The following UIMC1 variants were observed in gnomAD, a reference collection of about 807,000 sequenced individuals.
The protein encoded by UIMC1 is ubiquitin interaction motif containing 1, also known as BRCA1-A complex subunit RAP80.
In UIMC1, 42 loss-of-function variants were observed where a neutral mutation model predicts 84.9. The ratio of observed to expected loss-of-function variants is 0.49; its 90% CI spans 0.39 to 0.64. UIMC1 has a LOEUF of 0.64. Among genes scored for constraint, UIMC1 ranks in the 30% least tolerant of loss-of-function variants. UIMC1 has a pLI of 0.00. For synonymous variants in UIMC1, 281 were observed against 293.0 expected (o/e 0.96, Z 0.42); for missense variants, 825 against 847.6 (o/e 0.97, Z 0.33).
intron 10 of UIMC1, among the ~76,000 whole-genome samples, chr5:176,928,246 G>A (rs950822635): frequency 6.6e-6 from 1 of 152,194 alleles, no homozygotes; most frequent in East Asian, 1.9e-4. Context: ...TTGAGTAGCA[G>A]TGGCAAAGAC....
intron 2 of UIMC1, among the ~76,000 whole-genome samples, chr5:176,977,247 A>G (rs1377062608): frequency 6.6e-6 from 1 of 150,794 alleles, no homozygotes; most frequent in Non-Finnish European, 1.5e-5. Flanking sequence ...AAAAAGAGAG[A>G]GAGAGAAATA....
Position 176,976,287 on chromosome 5 carries a change from C to A in UIMC1, c.148-807G>T, listed in dbSNP as rs1770059705. Among the ~76,000 whole-genome samples, 3 of 151,942 alleles carry A rather than the reference C, an allele frequency of 2.0e-5. No homozygotes were observed. The South Asian group carries it at 6.2e-4, about 32-fold the overall frequency. ...CTAAGATCGCACCACGATATTCCAG[C>A]CTGGGAGACAAAGCAACATCCTCAT... On this transcript the variant is annotated intron_variant, in intron 2 of 14. Coordinates refer to ENST00000511320, the MANE Select transcript of UIMC1 (RefSeq NM_001199298.2).
intron 10 of UIMC1, among the ~76,000 whole-genome samples, chr5:176,938,421 T>C (rs1763982585): frequency 6.6e-6 from 1 of 152,084 alleles, no homozygotes; most frequent in South Asian, 2.1e-4. Flanking sequence ...ACGTACTGAG[T>C]ACCTATTGTA....
At chr5:176,912,804 T>G (rs1554105867) in intron 10 of UIMC1, among the ~76,000 whole-genome samples, 1 of 152,066 alleles carries the variant, frequency 6.6e-6, no homozygotes, top group Non-Finnish European at 1.5e-5. Context: ...TAGCTGGGAT[T>G]TACAGGCGCC....
intron 1 of UIMC1, among the ~76,000 whole-genome samples, chr5:177,002,357 T>C (rs991618532): frequency 1.3e-5 from 2 of 152,154 alleles, no homozygotes; most frequent in African/African-American, 2.4e-5. Flanking sequence ...CGGTTACCTC[T>C]GGAGGGTACT....
chr5:176,920,467 T>C (rs1352624173), intron 10 of UIMC1, among the ~76,000 whole-genome samples: 3 of 152,224 alleles, frequency 2.0e-5, no homozygotes, highest in Non-Finnish European at 4.4e-5. Context: ...CTTTCAACAA[T>C]GTTTTATAAT....
intron 1 of UIMC1, among the ~76,000 whole-genome samples, chr5:176,989,349 G>C (rs1772476273): frequency 6.6e-6 from 1 of 152,034 alleles, no homozygotes; most frequent in Admixed American, 6.6e-5. Flanking sequence ...AATGACTAAA[G>C]AACAAGAAAT....
rs959876879 is a variant in UIMC1 at position 176,957,857 on chromosome 5, T to C, written c.1262+236A>G. Reference sequence around the variant, plus strand: ...AATGTAAATGAGATTTATGCCAAGATAGCTGGCCTGGACAAGATGACCTCT... The same window carrying C: ...AATGTAAATGAGATTTATGCCAAGACAGCTGGCCTGGACAAGATGACCTCT... On this transcript the variant is annotated intron_variant, in intron 7 of 14. Transcript: ENST00000511320. 3.9e-5 allele frequency among the ~76,000 whole-genome samples: 6 copies of C among 152,234 alleles called. No homozygotes were observed. The East Asian group carries it at 7.7e-4, about 20-fold the overall frequency.
intron 12 of UIMC1, 71 bp downstream of exon 12, chr5:176,908,452 C>G: frequency 6.7e-7 from 1 of 1,489,888 alleles, no homozygotes. Context: ...AAAGCCAGAA[C>G]AGAACTGTGG....
At chr5:176,986,490 G>A (rs966717913) in intron 1 of UIMC1, among the ~76,000 whole-genome samples, 35 of 139,598 alleles carry the variant, frequency 2.5e-4, no homozygotes, top group Admixed American at 1.0e-3. Context: ...TGATCATGCC[G>A]ATGAACTTCA....
intron 6 of UIMC1, among the ~76,000 whole-genome samples, chr5:176,964,197 T>G (rs769105352): frequency 6.6e-6 from 1 of 152,236 alleles, no homozygotes; most frequent in African/African-American, 2.4e-5. Context: ...AACAAACGAA[T>G]TCTTTCTACC....
intron 6 of UIMC1, among the ~76,000 whole-genome samples, chr5:176,958,573 A>T (rs1389510759): frequency 6.6e-6 from 1 of 152,248 alleles, no homozygotes; most frequent in Non-Finnish European, 1.5e-5. Flanking sequence ...GGGGAAAGGA[A>T]AATATAGAGA....
At chr5:176,936,512 T>C (rs189755937) in intron 10 of UIMC1, among the ~76,000 whole-genome samples, 1 of 152,344 alleles carries the variant, frequency 6.6e-6, no homozygotes, top group African/African-American at 2.4e-5. Context: ...TATTATTCTT[T>C]GCTCAAGTCC....
chr5:176,998,466 CAAA>C (rs35445945), intron 1 of UIMC1, among the ~76,000 whole-genome samples: 3 of 64,400 alleles, frequency 4.7e-5, no homozygotes, highest in South Asian at 6.8e-4. Flanking sequence ...GACTCTGTCT[CAAA>C]AAAAAAAAAA....
intron 2 of UIMC1, among the ~76,000 whole-genome samples, chr5:176,976,639 G>A (rs2149493703): frequency 6.6e-6 from 1 of 152,288 alleles, no homozygotes; most frequent in South Asian, 2.1e-4. Flanking sequence ...CGAAATGAAT[G>A]TACCTTGAAA....
At chr5:176,989,508 A>C (rs1772494091) in intron 1 of UIMC1, among the ~76,000 whole-genome samples, 1 of 152,018 alleles carries the variant, frequency 6.6e-6, no homozygotes, top group African/African-American at 2.4e-5. Flanking sequence ...AAAAATACAA[A>C]AATTAGCTGG....
At chr5:176,954,132 T>C (rs900746421) in intron 8 of UIMC1, among the ~76,000 whole-genome samples, 3 of 152,226 alleles carry the variant, frequency 2.0e-5, no homozygotes, top group Admixed American at 6.5e-5. Context: ...AAAAGCTATC[T>C]AACCTCAGTA....
intron 1 of UIMC1, among the ~76,000 whole-genome samples, chr5:176,997,392 T>C (rs1251225632): frequency 6.6e-6 from 1 of 151,988 alleles, no homozygotes; most frequent in Non-Finnish European, 1.5e-5. Context: ...CTCCACTACT[T>C]AAAACATTTC....
intron 1 of UIMC1, among the ~76,000 whole-genome samples, chr5:177,014,387 A>G (rs930351566): frequency 5.9e-5 from 9 of 152,032 alleles, no homozygotes; most frequent in African/African-American, 2.2e-4. Context: ...ATTTGGAAAC[A>G]CTTCTGAAAT....
Sources: gnomAD v4.1 joint callset for allele counts (sites outside exome capture counted in the v4.1 genomes callset) on GRCh38, gnomAD v4.1.1 for gene constraint, MANE v1.5 for transcripts, NCBI Gene and HGNC (gene_info 2026-07-23, HGNC 2026-07-21) for gene names.